The following C1orf198 variants were observed in gnomAD, a reference collection of about 807,000 sequenced individuals.
C1orf198 encodes uncharacterized protein C1orf198.
C1orf198 carries 17 observed loss-of-function variants against 31.4 expected under a neutral mutation model. The observed-to-expected ratio is 0.54, with a 90% CI of 0.37 to 0.81. The LOEUF (loss-of-function observed/expected upper bound fraction) is 0.81. Ranked by LOEUF, C1orf198 falls within the 40% of genes least tolerant of loss-of-function variation. The probability of loss-of-function intolerance (pLI) is 0.00; values close to 1 mark genes in which losing one functional copy is unlikely to be tolerated. For missense variants in C1orf198, 401 were observed against 450.3 expected, an observed-to-expected ratio of 0.89 and a Z score of 0.99; for synonymous variants, 175 against 193.8, an observed-to-expected ratio of 0.90 and a Z score of 0.81.
intron 2 of C1orf198, among the ~76,000 whole-genome samples, chr1:230,844,177 C>G (rs1232880274): frequency 1.3e-5 from 2 of 152,100 alleles, no homozygotes; most frequent in Non-Finnish European, 2.9e-5. Flanking sequence ...ATCCCCAGTG[C>G]TGGAGGTGAG....
chr1:230,860,743 T>C (rs1669986231), intron 1 of C1orf198, among the ~76,000 whole-genome samples: 1 of 152,116 alleles, frequency 6.6e-6, no homozygotes, highest in Non-Finnish European at 1.5e-5. Context: ...ATATACAGAG[T>C]TTCATTGTTT....
chr1:230,858,847 C>G (rs1999903), intron 1 of C1orf198, among the ~76,000 whole-genome samples: 2 of 152,114 alleles, frequency 1.3e-5, no homozygotes, highest in Non-Finnish European at 2.9e-5. Context: ...CTCTGAGGAA[C>G]GAAGACTTAG....
intron 1 of C1orf198, among the ~76,000 whole-genome samples, chr1:230,860,495 T>G (rs1298043956): frequency 6.6e-6 from 1 of 152,208 alleles, no homozygotes; most frequent in Non-Finnish European, 1.5e-5. Flanking sequence ...AAACAAAATG[T>G]GGTCTATCCA....
At chr1:230,867,954 T>G (rs1670158796) in intron 1 of C1orf198, among the ~76,000 whole-genome samples, 1 of 150,968 alleles carries the variant, frequency 6.6e-6, no homozygotes, top group South Asian at 2.1e-4. Flanking sequence ...TAGATGGAGG[T>G]TCTTTAACGA....
chr1:230,865,012 T>C (rs1414712920), intron 1 of C1orf198, among the ~76,000 whole-genome samples: 1 of 152,106 alleles, frequency 6.6e-6, no homozygotes, highest in African/African-American at 2.4e-5. Context: ...TCAAGCAGCG[T>C]GGGTGAAAGA....
Position 230,854,107 on chromosome 1 carries a change from G to A in C1orf198, c.384+1561C>T, listed in dbSNP as rs532869621. Among the ~76,000 whole-genome samples, 15 of 152,344 alleles carry A rather than the reference G, an allele frequency of 9.8e-5. No homozygotes were observed. In the South Asian group the frequency reaches 2.7e-3, roughly 27 times the overall value. On this transcript the variant is annotated intron_variant, in intron 2 of 3. Transcript: ENST00000366663. Reference sequence around the variant, plus strand: ...GATGTTCTCGTGGGGAACATGATGAGCTTAGGTCTTAGGACACTTTAACTA... The same window carrying A: ...GATGTTCTCGTGGGGAACATGATGAACTTAGGTCTTAGGACACTTTAACTA...
At chr1:230,858,384 G>A (rs1033892054) in intron 1 of C1orf198, among the ~76,000 whole-genome samples, 45 of 152,246 alleles carry the variant, frequency 3.0e-4, no homozygotes, top group Middle Eastern at 3.4e-3. Flanking sequence ...TTAACTCTTC[G>A]TGAATAAATG....
rs1669416563 is a variant in C1orf198 at position 230,840,690 on chromosome 1, C to T, written c.928-782G>A. 6.6e-6 allele frequency among the ~76,000 whole-genome samples: 1 copy of T among 152,164 alleles called. No homozygotes were observed. The highest frequency in any genetic ancestry group is 2.1e-4 in the South Asian group (1 of 4,826). On this transcript the variant is annotated intron_variant, in intron 3 of 3. Coordinates refer to ENST00000366663, the MANE Select transcript of C1orf198 (RefSeq NM_032800.3). The surrounding 1 kb of genome is among the most constrained non-coding windows in gnomAD (Gnocchi z 4.0). ...CACCGGCAGGCATTTACCTGGTGCG[C>T]CAAGGTCTTCTTGAGCAAAGAAACC...
intron 2 of C1orf198, among the ~76,000 whole-genome samples, chr1:230,847,256 G>A (rs4028823): frequency 0.18 from 27,074 of 149,150 alleles, 2,689 homozygotes; most frequent in East Asian, 0.38. Context: ...TCCAGCCTGG[G>A]CAACAGAATG....
chr1:230,844,665 G>A (rs1340651948), intron 2 of C1orf198, among the ~76,000 whole-genome samples: 1 of 152,132 alleles, frequency 6.6e-6, no homozygotes, highest in African/African-American at 2.4e-5. Context: ...GCACCTTCCT[G>A]GCAGGTGACG....
At chr1:230,856,192 C>A (rs968649563) in intron 1 of C1orf198, 1 of 167,210 alleles carries the variant, frequency 6.0e-6, no homozygotes, top group Non-Finnish European at 1.2e-5. Context: ...GGGAAAAGAA[C>A]GCCAAGCCAT....
Position 230,843,395 on chromosome 1 carries a change from C to T in C1orf198, c.886G>A (p.Asp296Asn), listed in dbSNP as rs1669499169. ...TCCGAGAACAGGGTGTCTTCCCCAT[C>T]GTCCTGCCTGACATCAGGAGATGGC... ...KLPSPDVRQD[D>N]GEDTLFSEPK... The change falls in exon 3 of 4, where the codon GAT becomes AAT. Residue 296 changes from aspartate (D) to asparagine (N), a missense_variant. By Grantham distance (23) the Asp-to-Asn change is conservative. Coordinates refer to ENST00000366663, the MANE Select transcript of C1orf198 (RefSeq NM_032800.3). The surrounding 1 kb of genome is among the most constrained non-coding windows in gnomAD (Gnocchi z 4.9). 1.9e-6 allele frequency: 3 copies of T among 1,564,424 alleles called. No individual in the cohort carries two copies. Among genetic ancestry groups the T allele is most frequent in the South Asian group, 2.3e-5 (2 of 85,432 alleles).
At chr1:230,856,629 G>A (rs944956101) in intron 1 of C1orf198, among the ~76,000 whole-genome samples, 1 of 152,216 alleles carries the variant, frequency 6.6e-6, no homozygotes, top group Non-Finnish European at 1.5e-5. Context: ...CTGGGCTCAA[G>A]GGATGCTCCT....
intron 1 of C1orf198, among the ~76,000 whole-genome samples, chr1:230,866,059 A>T (rs964130131): frequency 6.6e-6 from 1 of 152,080 alleles, no homozygotes; most frequent in African/African-American, 2.4e-5. Context: ...GGGGTCACCT[A>T]TTTGGGGGTA....
intron 1 of C1orf198, among the ~76,000 whole-genome samples, chr1:230,858,299 G>C (rs538406181): frequency 6.6e-6 from 1 of 152,132 alleles, no homozygotes; most frequent in Non-Finnish European, 1.5e-5. Flanking sequence ...AAACCAAGAA[G>C]GGCTTTGTTT....
At chr1:230,854,812 T>C (rs1293864651) in intron 2 of C1orf198, among the ~76,000 whole-genome samples, 5 of 152,152 alleles carry the variant, frequency 3.3e-5, no homozygotes, top group Admixed American at 3.3e-4. Flanking sequence ...GGTCTCCTGC[T>C]GGGATGAGGG....
chr1:230,848,476 G>A (rs762668628), intron 2 of C1orf198, among the ~76,000 whole-genome samples: 3 of 152,162 alleles, frequency 2.0e-5, no homozygotes, highest in Non-Finnish European at 4.4e-5. Context: ...TTGCTCTAGT[G>A]TTCAACAGCA....
chr1:230,851,154 C>A (rs1242094543), intron 2 of C1orf198, among the ~76,000 whole-genome samples: 1 of 152,150 alleles, frequency 6.6e-6, no homozygotes, highest in Non-Finnish European at 1.5e-5. Context: ...TGGGAATGAT[C>A]TATATTAGCC....
In C1orf198 at chr1:230,857,304, G is replaced by A. The variant is rs1019876742; in HGVS notation, c.334-1586C>T. 6.6e-6 allele frequency among the ~76,000 whole-genome samples: 1 copy of A among 152,176 alleles called. No individual in the cohort carries two copies. The highest frequency in any genetic ancestry group is 1.5e-5 in the Non-Finnish European group (1 of 68,038). ...GCCTTTGTCCGCTTCTCTATCCCAA[G>A]TGCCCGGAAGACTCAGCGACTGCCC... On this transcript the variant is annotated intron_variant, in intron 1 of 3. Coordinates refer to ENST00000366663, the MANE Select transcript of C1orf198 (RefSeq NM_032800.3). The surrounding 1 kb of genome is among the most constrained non-coding windows in gnomAD (Gnocchi z 4.2).
Sources: allele counts gnomAD v4.1 joint callset (sites outside exome capture counted in the v4.1 genomes callset), GRCh38; gene constraint gnomAD v4.1.1; non-coding constraint Gnocchi (gnomAD v3.1); transcripts MANE v1.5; gene names NCBI Gene and HGNC (gene_info 2026-07-23, HGNC 2026-07-21).